Variants in CELF2 observed in about 807,000 individuals in gnomAD.
CELF2 encodes the protein CUGBP Elav-like family member 2, also known as CUG triplet repeat RNA-binding protein 2.
CELF2 carries 8 observed loss-of-function variants against 62.6 expected under a neutral mutation model. The ratio of observed to expected loss-of-function variants is 0.13; its 90% CI spans 0.07 to 0.23. CELF2 has a LOEUF of 0.23. Ranked by LOEUF, CELF2 falls within the 10% of genes least tolerant of loss-of-function variation. The probability of loss-of-function intolerance (pLI) is 1.00; values close to 1 mark genes in which losing one functional copy is unlikely to be tolerated. For missense variants in CELF2, 333 were observed against 671.0 expected, an observed-to-expected ratio of 0.50 and a Z score of 5.56; for synonymous variants, 258 against 250.0, an observed-to-expected ratio of 1.03 and a Z score of -0.30.
At position 11,244,733 on chromosome 10, in the gene CELF2, T is replaced by C. The variant is rs1292828674; in HGVS notation, c.355-4420T>C. On this transcript the variant is annotated intron_variant, in intron 3 of 12. Coordinates refer to ENST00000633077, the MANE Select transcript of CELF2 (RefSeq NM_001326342.2). The surrounding 1 kb of genome is among the most constrained non-coding windows in gnomAD (Gnocchi z 4.2). ...TGTTGGTTAGGATATCGTATCATTG[T>C]TCTTGATCAACAGTAGGGCCTATTT... is the stretch of plus-strand genomic sequence containing the variant. 6.6e-6 allele frequency among the ~76,000 whole-genome samples: 1 copy of C among 152,108 alleles called. No homozygotes were observed. Among genetic ancestry groups the C allele is most frequent in the East Asian group, 1.9e-4 (1 of 5,206 alleles).
the CELF2 span, among the ~76,000 whole-genome samples, chr10:10,577,364 T>TTTTTTATTATTATTATTA: frequency 1.4e-5 from 2 of 141,404 alleles, no homozygotes; most frequent in Non-Finnish European, 3.0e-5. Flanking sequence ...AACAAATCTT[T>TTTTTTATTATTATTATTA]TTATTATTAT....
At chr10:11,295,763 CAG>C (rs992441873) in intron 9 of CELF2, among the ~76,000 whole-genome samples, 6 of 152,176 alleles carry the variant, frequency 3.9e-5, no homozygotes, top group African/African-American at 1.4e-4. Flanking sequence ...TAGTTGGAAA[CAG>C]TGTGTCTGCC....
chr10:11,058,853 T>G (rs2066003865), intron 1 of CELF2, among the ~76,000 whole-genome samples: 1 of 152,226 alleles, frequency 6.6e-6, no homozygotes, highest in South Asian at 2.1e-4. Flanking sequence ...CAATCATAGC[T>G]GACTGCCACC....
intron 1 of CELF2, among the ~76,000 whole-genome samples, chr10:11,088,409 T>C (rs901410126): frequency 6.6e-6 from 1 of 152,154 alleles, no homozygotes; most frequent in African/African-American, 2.4e-5. Context: ...TTAGAGGACT[T>C]TGCATGCTGG....
intron 1 of CELF2, among the ~76,000 whole-genome samples, chr10:10,892,628 T>A (rs1362212941): frequency 6.6e-6 from 1 of 152,224 alleles, no homozygotes; most frequent in Admixed American, 6.5e-5. Flanking sequence ...TTGCCTTCTG[T>A]AGGAATGGAA....
At chr10:11,294,685 G>T (rs1332274912) in intron 9 of CELF2, among the ~76,000 whole-genome samples, 1 of 152,152 alleles carries the variant, frequency 6.6e-6, no homozygotes, top group Non-Finnish European at 1.5e-5. Flanking sequence ...GGCCGAGGCG[G>T]GTGGATCACG....
intron 1 of CELF2, among the ~76,000 whole-genome samples, chr10:11,100,907 G>A (rs943590974): frequency 6.6e-6 from 1 of 152,158 alleles, no homozygotes; most frequent in Non-Finnish European, 1.5e-5. Flanking sequence ...AACAAAATCC[G>A]CATTAGGATG....
At chr10:10,857,639 CATATATATAGTATATAT>C (rs1275498498) in intron 1 of CELF2, among the ~76,000 whole-genome samples, 19 of 79,088 alleles carry the variant, frequency 2.4e-4, no homozygotes, top group African/African-American at 9.3e-4. Context: ...TGGTAAACTA[CATATATATAGTATATAT>C]ATATATATAT....
At chr10:10,701,769 C>G in the CELF2 span, among the ~76,000 whole-genome samples, 1 of 152,194 alleles carries the variant, frequency 6.6e-6, no homozygotes, top group Non-Finnish European at 1.5e-5. Context: ...AGAACCACGT[C>G]CCATTTTCCA....
chr10:10,560,165 T>C, the CELF2 span, among the ~76,000 whole-genome samples: 2 of 152,298 alleles, frequency 1.3e-5, no homozygotes, highest in African/African-American at 4.8e-5. Flanking sequence ...TAGTACCCTG[T>C]AGTCAACTCG....
chr10:10,614,087 G>C, the CELF2 span, among the ~76,000 whole-genome samples: 4 of 152,296 alleles, frequency 2.6e-5, no homozygotes, highest in East Asian at 5.8e-4. Flanking sequence ...GAATTCATGA[G>C]AGTGGGCAGT....
chr10:10,698,566 G>A, the CELF2 span, among the ~76,000 whole-genome samples: 1 of 152,048 alleles, frequency 6.6e-6, no homozygotes, highest in Non-Finnish European at 1.5e-5. Context: ...GATCACCTAC[G>A]TTCTCAGTAA....
chr10:10,804,765 G>A (rs1223694569), intron 1 of CELF2, among the ~76,000 whole-genome samples: 1 of 152,190 alleles, frequency 6.6e-6, no homozygotes, highest in East Asian at 1.9e-4. Context: ...GTAAGTCACT[G>A]CTTGGCCTTG....
chr10:11,155,164 T>G (rs1306322076), intron 1 of CELF2, among the ~76,000 whole-genome samples: 4 of 152,236 alleles, frequency 2.6e-5, no homozygotes, highest in Non-Finnish European at 5.9e-5. Flanking sequence ...GAATGCTTCT[T>G]ACAACAAGTT....
intron 3 of CELF2, among the ~76,000 whole-genome samples, chr10:11,218,943 A>C (rs531179200): frequency 6.6e-6 from 1 of 152,328 alleles, no homozygotes; most frequent in South Asian, 2.1e-4. Flanking sequence ...TAATAGATGA[A>C]AATCATTTTT....
rs1229040418 is a variant in CELF2, at chr10:11,329,456, T to G, written c.*403T>G. The stretch of plus-strand genomic sequence containing the variant: ...TGTGCAATTCTAACTCTGAAACCAC[T>G]GGTGCCCCGAGAGCACTGCCTGGAG... On this transcript the variant is annotated 3_prime_UTR_variant, in exon 13 of 13. Coordinates refer to ENST00000633077, the MANE Select transcript of CELF2 (RefSeq NM_001326342.2). This position sits in a 1 kb window ranked among gnomAD's most constrained non-coding sequence, Gnocchi z 5.5. The G allele has an allele frequency of 1.3e-5, 2 of 152,950 alleles. No individual in the cohort carries two copies. Among genetic ancestry groups the G allele is most frequent in the African/African-American group, 4.8e-5 (2 of 41,444 alleles). 9.5% of individuals were successfully genotyped at this position (152,950 alleles called of 1,614,324 possible).
rs1399959056 is a variant in CELF2, at chr10:11,005,554, GA to G, written c.53+119del. The G allele has an allele frequency of 3.8e-5, 57 of 1,493,212 alleles. No individual in the cohort carries two copies. Among genetic ancestry groups the G allele is most frequent in the Non-Finnish European group, 4.8e-5 (52 of 1,078,990 alleles). The allele number at this position is 1,493,212 out of a possible 1,614,324, so 92.5% of individuals were successfully genotyped here. A position where few individuals can be genotyped will look rare whatever the true frequency, so the allele number is the denominator to read the frequency against. ...TTCCTTACCTTAGAAGAGAAGGGGG[GA>G]AAAAGAATCTAAAGAGGAAGAGGGA... On this transcript the variant is annotated intron_variant, in intron 1 of 12. Transcript: ENST00000416382. The surrounding 1 kb of genome is among the most constrained non-coding windows in gnomAD (Gnocchi z 4.3).
intron 2 of CELF2, among the ~76,000 whole-genome samples, chr10:10,968,258 A>G (rs2050361886): frequency 2.0e-5 from 3 of 152,118 alleles, no homozygotes; most frequent in Non-Finnish European, 2.9e-5. Context: ...TATTGTTTTG[A>G]CCCAGAAAAA....
the CELF2 span, among the ~76,000 whole-genome samples, chr10:10,714,225 T>A: frequency 6.6e-6 from 1 of 152,284 alleles, no homozygotes; most frequent in East Asian, 1.9e-4. Context: ...TTTGGCAACT[T>A]TCTGAAGCTC....
Sources: gnomAD v4.1 joint callset for allele counts (sites outside exome capture counted in the v4.1 genomes callset) on GRCh38, gnomAD v4.1.1 for gene constraint, Gnocchi (gnomAD v3.1) non-coding constraint, MANE v1.5 for transcripts, NCBI Gene and HGNC (gene_info 2026-07-23, HGNC 2026-07-21) for gene names.